CDH8: variants seen among roughly 807,000 people sequenced by gnomAD.
CDH8 encodes the protein cadherin 8.
Under a neutral mutation model 68.1 loss-of-function variants are expected in CDH8, and 17 were observed. The observed-to-expected ratio is 0.25, with a 90% CI of 0.17 to 0.37. The LOEUF (loss-of-function observed/expected upper bound fraction) is 0.37. Ranked by LOEUF, CDH8 falls within the 10% of genes least tolerant of loss-of-function variation. The probability of loss-of-function intolerance (pLI) is 1.00; values close to 1 mark genes in which losing one functional copy is unlikely to be tolerated. For missense variants in CDH8, 763 were observed against 999.3 expected (o/e 0.76, Z 3.19); for synonymous variants, 372 against 365.1 (o/e 1.02, Z -0.21).
intron 9 of CDH8, among the ~76,000 whole-genome samples, chr16:61,718,042 CT>C (rs1250619815): frequency 3.3e-5 from 5 of 151,272 alleles, no homozygotes; most frequent in African/African-American, 9.7e-5. Flanking sequence ...TATAAAATGT[CT>C]GATCCCAGAT....
intron 8 of CDH8, among the ~76,000 whole-genome samples, chr16:61,745,848 T>G (rs1446629325): frequency 6.6e-6 from 1 of 152,076 alleles, no homozygotes; most frequent in Non-Finnish European, 1.5e-5. Flanking sequence ...TTTTTCTGAC[T>G]GTTGCAGGCC....
chr16:61,902,048 T>C (rs767056842), intron 2 of CDH8, among the ~76,000 whole-genome samples: 1 of 150,770 alleles, frequency 6.6e-6, no homozygotes, highest in Admixed American at 6.6e-5. Flanking sequence ...AAAGTAATTC[T>C]AATATATTGA....
At chr16:61,928,615 C>T (rs1964491785) in intron 2 of CDH8, among the ~76,000 whole-genome samples, 1 of 152,166 alleles carries the variant, frequency 6.6e-6, no homozygotes, top group South Asian at 2.1e-4. Flanking sequence ...AATGCTCCCA[C>T]TAACCATAAA....
At chr16:61,697,640 G>A (rs1269275476) in intron 10 of CDH8, among the ~76,000 whole-genome samples, 2 of 151,978 alleles carry the variant, frequency 1.3e-5, no homozygotes, top group African/African-American at 4.8e-5. Context: ...AGCTGGGATT[G>A]CAGGCCTGTG....
intron 7 of CDH8, among the ~76,000 whole-genome samples, chr16:61,801,018 A>G (rs562823538): frequency 4.0e-4 from 61 of 152,256 alleles, no homozygotes; most frequent in African/African-American, 1.4e-3. Flanking sequence ...ATCATGGCTC[A>G]GCCTACACAA....
At chr16:61,754,080 A>C (rs1960246708) in intron 8 of CDH8, among the ~76,000 whole-genome samples, 1 of 152,122 alleles carries the variant, frequency 6.6e-6, no homozygotes, top group Non-Finnish European at 1.5e-5. Context: ...TGAATGTGAA[A>C]TCCCTTCCCT....
chr16:61,864,302 G>T (rs749194883), intron 3 of CDH8, among the ~76,000 whole-genome samples: 1 of 140,598 alleles, frequency 7.1e-6, no homozygotes, highest in East Asian at 2.0e-4. Flanking sequence ...CGGTTGGTTG[G>T]TTGGTTGGTT....
At chr16:61,953,972 TTCAAATA>T (rs1227922172) in intron 2 of CDH8, among the ~76,000 whole-genome samples, 3 of 148,602 alleles carry the variant, frequency 2.0e-5, no homozygotes, top group Admixed American at 2.0e-4. Flanking sequence ...GACTTTCTCC[TTCAAATA>T]TCAAAGGACT....
At position 61,653,621 on chromosome 16, in the gene CDH8, T is replaced by C; in HGVS notation, c.2387A>G (p.Asp796Gly). The C allele has an allele frequency of 6.2e-7, 1 of 1,608,010 alleles. No homozygotes were observed. Among genetic ancestry groups the C allele is most frequent in the South Asian group, 1.1e-5 (1 of 90,306 alleles). ...LGELYSVGES[D>G]KET ...TATAATCCACTGTCAAGTTTCTTTG[T>C]CACTTTCACCAACAGAGTAGAGTTC... Residue 796 changes from aspartate (D) to glycine (G), a missense_variant, in exon 12 of 12, where the codon GAC (aspartate) becomes GGC (glycine). Transcript: ENST00000577390.
chr16:61,745,807 T>C (rs1184376663), intron 8 of CDH8, among the ~76,000 whole-genome samples: 1 of 152,078 alleles, frequency 6.6e-6, no homozygotes, highest in Non-Finnish European at 1.5e-5. Flanking sequence ...AATTTGAATA[T>C]ATGCATCATT....
chr16:61,768,487 C>A (rs185569495), intron 8 of CDH8, among the ~76,000 whole-genome samples: 43 of 149,766 alleles, frequency 2.9e-4, no homozygotes, highest in African/African-American at 9.3e-4. Context: ...ATCTGTGTGA[C>A]CCTATTAATT....
At chr16:61,944,696 C>T (rs1291884359) in intron 2 of CDH8, among the ~76,000 whole-genome samples, 2 of 152,040 alleles carry the variant, frequency 1.3e-5, no homozygotes, top group Non-Finnish European at 2.9e-5. Context: ...AATGCCAGCA[C>T]TTTAAGAGCT....
At chr16:61,827,251 A>C (rs2143002265) in intron 4 of CDH8, among the ~76,000 whole-genome samples, 1 of 152,028 alleles carries the variant, frequency 6.6e-6, no homozygotes, top group South Asian at 2.1e-4. Context: ...CATTTACATG[A>C]ATGCTTGTAC....
intron 3 of CDH8, among the ~76,000 whole-genome samples, chr16:61,885,365 G>A (rs1260209064): frequency 6.6e-6 from 1 of 152,034 alleles, no homozygotes; most frequent in Non-Finnish European, 1.5e-5. Context: ...TATGTACGCG[G>A]AACAAAAAGA....
In CDH8 at chr16:61,661,256, C is replaced by G. The variant is rs535051667; in HGVS notation, c.1655-5535G>C. 6.5e-4 allele frequency among the ~76,000 whole-genome samples: 99 copies of G among 151,952 alleles called. 2 individuals are homozygous for G. Among genetic ancestry groups the G allele is most frequent in the Non-Finnish European group, 6.0e-4 (41 of 67,836 alleles). On this transcript the variant is annotated intron_variant, in intron 10 of 11. Coordinates refer to ENST00000577390, the MANE Select transcript of CDH8 (RefSeq NM_001796.5). ...GACTTGAAAAACAATACAAACTATA[C>G]CTAACACTGTGGAACACTCAACAAC...
rs371112155 is a variant in CDH8, at chr16:61,992,498, G to A, written c.252+28654C>T. Among the ~76,000 whole-genome samples, 581 of 150,092 alleles carry A rather than the reference G, an allele frequency of 3.9e-3. 4 individuals carry two copies. Among genetic ancestry groups the A allele is most frequent in the African/African-American group, 0.013 (552 of 40,896 alleles). ...GGAGATATACCTAATGCTAAATGAC[G>A]AGTTAATGGGTGCAGCACACCAGCA... On this transcript the variant is annotated intron_variant, in intron 2 of 11. Coordinates refer to ENST00000577390, the MANE Select transcript of CDH8 (RefSeq NM_001796.5).
chr16:61,963,758 T>G (rs1407240889), intron 2 of CDH8, among the ~76,000 whole-genome samples: 1 of 152,214 alleles, frequency 6.6e-6, no homozygotes. Context: ...TTCCTCAATG[T>G]TAATTGATTG....
At chr16:61,703,665 G>C (rs896093371) in intron 10 of CDH8, among the ~76,000 whole-genome samples, 2 of 151,912 alleles carry the variant, frequency 1.3e-5, no homozygotes, top group Non-Finnish European at 2.9e-5. Context: ...ACAGTGAAAC[G>C]CCGTCTCTAC....
At chr16:61,768,314 T>TTCTCTCTCTCTCTCTCTCTCTCTCTCTC (rs1206629963) in intron 8 of CDH8, among the ~76,000 whole-genome samples, 3 of 17,204 alleles carry the variant, frequency 1.7e-4, no homozygotes, top group East Asian at 2.6e-3. Flanking sequence ...GTCTCTCCCT[T>TTCTCTCTCTCTCTCTCTCTCTCTCTCTC]TCTCTCTCTC....
Sources: allele counts gnomAD v4.1 joint callset (sites outside exome capture counted in the v4.1 genomes callset), GRCh38; gene constraint gnomAD v4.1.1; transcripts MANE v1.5; gene names NCBI Gene and HGNC (gene_info 2026-07-23, HGNC 2026-07-21).